Variants in NFIA observed in about 807,000 individuals in gnomAD.
NFIA encodes the protein nuclear factor 1 A-type.
In NFIA, 8 loss-of-function variants were observed where a neutral mutation model predicts 62.8. The observed-to-expected ratio is 0.13, with a 90% CI of 0.07 to 0.23. The LOEUF (loss-of-function observed/expected upper bound fraction) is 0.23. Among genes scored for constraint, NFIA ranks in the 10% least tolerant of loss-of-function variants. NFIA has a pLI of 1.00. For synonymous variants in NFIA, 235 were observed against 238.1 expected (o/e 0.99, Z 0.12); for missense variants, 410 against 642.1 (o/e 0.64, Z 3.91).
intron 2 of NFIA, among the ~76,000 whole-genome samples, chr1:61,167,200 A>C (rs2100544378): frequency 6.6e-6 from 1 of 152,324 alleles, no homozygotes; most frequent in Non-Finnish European, 1.5e-5. Flanking sequence ...CATAGTGAGA[A>C]AAATAACCCT....
intron 1 of NFIA, 135 bp downstream of exon 1, chr1:61,082,953 C>A: frequency 2.8e-6 from 1 of 352,582 alleles, no homozygotes; most frequent in Non-Finnish European, 3.8e-6. Flanking sequence ...TGTGTCTGCG[C>A]GTGTTTCTGT....
chr1:61,376,417 C>A (rs549243998), intron 6 of NFIA, among the ~76,000 whole-genome samples: 139 of 152,288 alleles, frequency 9.1e-4, no homozygotes, highest in African/African-American at 3.2e-3. Flanking sequence ...TTTATATACT[C>A]TTTTGCAACT....
intron 2 of NFIA, among the ~76,000 whole-genome samples, chr1:61,193,566 A>C (rs561865798): frequency 6.6e-6 from 1 of 152,328 alleles, no homozygotes; most frequent in East Asian, 1.9e-4. Flanking sequence ...GGCAAAATTC[A>C]TTGTAGGTGC....
At chr1:61,285,846 A>G (rs77207835) in intron 3 of NFIA, among the ~76,000 whole-genome samples, 7,452 of 152,266 alleles carry the variant, frequency 0.049, 646 homozygotes, top group African/African-American at 0.17. Context: ...AAGGCTCGGC[A>G]AAATAGGAAT....
chr1:61,434,906 A>G (rs927384126), intron 10 of NFIA, among the ~76,000 whole-genome samples: 3 of 152,178 alleles, frequency 2.0e-5, no homozygotes, highest in South Asian at 2.1e-4. Context: ...TAGCACTTGG[A>G]ACTGTGGGAA....
chr1:61,403,476 T>C (rs929246058), intron 7 of NFIA, among the ~76,000 whole-genome samples: 2 of 152,212 alleles, frequency 1.3e-5, no homozygotes, highest in African/African-American at 4.8e-5. Context: ...GCTTACCCTG[T>C]GGGTTCCCCT....
chr1:61,293,247 C>T (rs981018684), intron 3 of NFIA, among the ~76,000 whole-genome samples: 4 of 152,062 alleles, frequency 2.6e-5, no homozygotes, highest in Admixed American at 2.6e-4. Flanking sequence ...TTGGGAATCT[C>T]CTTTGTAAAT....
chr1:61,377,159 G>A (rs1469996485), intron 6 of NFIA, among the ~76,000 whole-genome samples: 2 of 151,814 alleles, frequency 1.3e-5, no homozygotes, highest in Non-Finnish European at 2.9e-5. Context: ...GGAGGCAGAG[G>A]TTGCAGTGAG....
intron 7 of NFIA, among the ~76,000 whole-genome samples, chr1:61,402,117 A>G (rs909997039): frequency 5.2e-5 from 7 of 134,716 alleles, no homozygotes; most frequent in African/African-American, 2.0e-4. Flanking sequence ...GGCTCATTGC[A>G]AGATCCGCCT....
intron 3 of NFIA, among the ~76,000 whole-genome samples, chr1:61,308,337 A>C (rs1659913619): frequency 6.6e-6 from 1 of 152,212 alleles, no homozygotes; most frequent in Non-Finnish European, 1.5e-5. Context: ...GGAGTAAATG[A>C]GTAGAAAAAA....
intron 6 of NFIA, among the ~76,000 whole-genome samples, chr1:61,381,102 A>AG (rs942454060): frequency 7.0e-6 from 1 of 142,422 alleles, no homozygotes; most frequent in African/African-American, 2.7e-5. Context: ...CATTATCTGA[A>AG]AAAAAAAAAA....
chr1:61,360,475 T>C (rs1359042008), intron 6 of NFIA, among the ~76,000 whole-genome samples: 1 of 152,244 alleles, frequency 6.6e-6, no homozygotes, highest in African/African-American at 2.4e-5. Flanking sequence ...TTTCCTAGCA[T>C]AGCTACTACC....
chr1:61,234,514 A>C (rs995236046), intron 2 of NFIA, among the ~76,000 whole-genome samples: 2 of 152,078 alleles, frequency 1.3e-5, no homozygotes, highest in Non-Finnish European at 2.9e-5. Flanking sequence ...GAGCTCTGAA[A>C]GTTTGTTCTC....
At chr1:61,099,400 A>G (rs1246571296) in intron 2 of NFIA, among the ~76,000 whole-genome samples, 1 of 152,182 alleles carries the variant, frequency 6.6e-6, no homozygotes, top group African/African-American at 2.4e-5. Context: ...ACAGAGCAGC[A>G]TTAACCATTC....
chr1:61,143,047 G>A (rs1369953363), intron 2 of NFIA, among the ~76,000 whole-genome samples: 3 of 152,160 alleles, frequency 2.0e-5, no homozygotes, highest in African/African-American at 4.8e-5. Flanking sequence ...CATAACTCTT[G>A]TTGATTCTTG....
At chr1:61,099,555 T>C (rs1276269329) in intron 2 of NFIA, among the ~76,000 whole-genome samples, 1 of 152,184 alleles carries the variant, frequency 6.6e-6, no homozygotes, top group African/African-American at 2.4e-5. Flanking sequence ...TGGTTTTGCA[T>C]TTTTTAAAAA....
At chr1:61,188,846 C>T (rs1651399040) in intron 2 of NFIA, among the ~76,000 whole-genome samples, 1 of 152,168 alleles carries the variant, frequency 6.6e-6, no homozygotes, top group Non-Finnish European at 1.5e-5. Context: ...CTAATTGGTG[C>T]CTGAGCAAGT....
At chr1:61,451,238 G>T (rs1668046347) in intron 10 of NFIA, among the ~76,000 whole-genome samples, 2 of 152,170 alleles carry the variant, frequency 1.3e-5, no homozygotes, top group African/African-American at 4.8e-5. Context: ...AACTTTCATG[G>T]AGCTGTAAAT....
chr1:61,308,474 A>G (rs1032297510), intron 3 of NFIA, among the ~76,000 whole-genome samples: 3 of 152,358 alleles, frequency 2.0e-5, no homozygotes, highest in Non-Finnish European at 4.4e-5. Context: ...TCAGGTGTGT[A>G]TAATCCAGGT....
Sources: allele counts gnomAD v4.1 joint callset (sites outside exome capture counted in the v4.1 genomes callset), GRCh38; gene constraint gnomAD v4.1.1; transcripts MANE v1.5; gene names NCBI Gene and HGNC (gene_info 2026-07-23, HGNC 2026-07-21).